The following MGA variants were observed in gnomAD, a reference collection of about 807,000 sequenced individuals.
MGA encodes the protein MAX gene-associated protein.
A neutral mutation model predicts 261.1 loss-of-function variants in MGA; 40 were observed. The ratio of observed to expected loss-of-function variants is 0.15; its 90% CI spans 0.12 to 0.20. The LOEUF (loss-of-function observed/expected upper bound fraction) is 0.20. MGA is among the 10% of genes least tolerant of loss of function. MGA has a pLI of 1.00. For missense variants in MGA, 3,397 were observed against 3,630.5 expected, an observed-to-expected ratio of 0.94 and a Z score of 1.65; for synonymous variants, 1,302 against 1,290.6, an observed-to-expected ratio of 1.01 and a Z score of -0.19.
chr15:41,650,910 T>G (rs559342336), intron 1 of MGA, among the ~76,000 whole-genome samples: 1 of 152,320 alleles, frequency 6.6e-6, no homozygotes, highest in East Asian at 1.9e-4. Context: ...TCATCTGGTC[T>G]TAGTCCATTT....
At chr15:41,713,672 A>T (rs1195224243) in intron 9 of MGA, among the ~76,000 whole-genome samples, 176 bp downstream of exon 9, 1 of 152,042 alleles carries the variant, frequency 6.6e-6, no homozygotes, top group Non-Finnish European at 1.5e-5. Context: ...ACAAACACAC[A>T]CCTTTTTTAA....
rs1055167826 is a variant in MGA at position 41,767,175 on chromosome 15, A to C, written c.9093A>C (p.Thr3031=). ...CAGTTGGACACAAAATGAACTTAAC[A>C]GGGAATGACCAGGAAGGCCGGGAAA... Residue 3031 remains threonine (T), a synonymous_variant, in exon 24 of 24, where the codon ACA becomes ACC. Coordinates refer to ENST00000219905, the MANE Select transcript of MGA (RefSeq NM_001164273.2). 6.2e-7 allele frequency: 1 copy of C among 1,614,042 alleles called. No individual in the cohort carries two copies. Among genetic ancestry groups the C allele is most frequent in the Admixed American group, 1.7e-5 (1 of 60,036 alleles).
intron 1 of MGA, among the ~76,000 whole-genome samples, chr15:41,646,172 CAG>C (rs1758787688): frequency 1.3e-5 from 2 of 152,176 alleles, no homozygotes; most frequent in South Asian, 4.2e-4. Flanking sequence ...CAGCTATAGT[CAG>C]ATGTGATTTA....
intron 19 of MGA, 177 bp from the exon 20 acceptor site, chr15:41,760,146 T>C: frequency 3.3e-6 from 2 of 604,912 alleles, no homozygotes; most frequent in Non-Finnish European, 3.0e-6. Context: ...CTGTTGGCAT[T>C]GTAAGAGTTA....
intron 11 of MGA, 138 bp from the exon 12 acceptor site, chr15:41,734,384 A>C (rs1595905711): frequency 1.4e-6 from 1 of 695,992 alleles, no homozygotes; most frequent in Admixed American, 2.8e-5. Context: ...GTAGATGTGC[A>C]TGTGGATTGA....
chr15:41,693,384 C>T (rs1178468399), intron 2 of MGA, among the ~76,000 whole-genome samples: 1 of 147,074 alleles, frequency 6.8e-6, no homozygotes, highest in Non-Finnish European at 1.5e-5. Flanking sequence ...GTTCAATTCC[C>T]ACCTATGAGT....
chr15:41,667,935 C>T (rs992896230), intron 1 of MGA, among the ~76,000 whole-genome samples: 1 of 152,062 alleles, frequency 6.6e-6, no homozygotes, highest in African/African-American at 2.4e-5. Flanking sequence ...TCCTGAGTAG[C>T]TGGGACTACA....
In MGA at chr15:41,653,674, CTCCA is replaced by C. The variant is rs1387866306; in HGVS notation, c.-67-15149_-67-15146del. On this transcript the variant is annotated intron_variant, in intron 1 of 8. Transcript: ENST00000566718. ...AGTGAGCCGTGATCATACCACTGCA[CTCCA>C]TCCAGCCTGGGAGACAGAGTGAGAC... 2.0e-5 allele frequency among the ~76,000 whole-genome samples: 3 copies of C among 148,138 alleles called. No homozygotes were observed. The Admixed American group carries it at 2.0e-4, about 10-fold the overall frequency.
intron 20 of MGA, among the ~76,000 whole-genome samples, chr15:41,760,799 C>T (rs149310000): frequency 8.5e-4 from 129 of 152,068 alleles, no homozygotes; most frequent in African/African-American, 2.9e-3. Context: ...TACAATGGCA[C>T]GATCTTGGCT....
chr15:41,729,847 ATAT>A (rs1170231524), intron 11 of MGA, among the ~76,000 whole-genome samples: 1 of 151,784 alleles, frequency 6.6e-6, no homozygotes, highest in Admixed American at 6.6e-5. Context: ...AAAAATATGT[ATAT>A]TATTCTTTCT....
chr15:41,702,613 A>G (rs1319009057), intron 5 of MGA, among the ~76,000 whole-genome samples: 1 of 152,204 alleles, frequency 6.6e-6, no homozygotes, highest in Non-Finnish European at 1.5e-5. Flanking sequence ...TTGCTTTAAA[A>G]TTGGGAAAGC....
chr15:41,745,409 C>G (rs1005995675), intron 15 of MGA, among the ~76,000 whole-genome samples: 1 of 150,398 alleles, frequency 6.6e-6, no homozygotes, highest in African/African-American at 2.4e-5. Context: ...CATTAAATTC[C>G]TGTTAGCTAC....
intron 8 of MGA, among the ~76,000 whole-genome samples, 174 bp downstream of exon 8, chr15:41,711,523 A>G (rs1338019767): frequency 6.6e-6 from 1 of 152,078 alleles, no homozygotes; most frequent in Non-Finnish European, 1.5e-5. Context: ...CCAACTAGAT[A>G]CTCAGGTGTA....
chr15:41,761,869 C>T lies in MGA; in HGVS notation c.7510+19C>T, dbSNP rs751131370. On this transcript the variant is annotated intron_variant, in intron 21 of 23. Transcript: ENST00000219905. ...CTTTCAGGTGAGATAAGTAAATAAT[C>T]TCTGGTAAAGAGCATAATTATAGCT... 6.8e-7 allele frequency: 1 copy of T among 1,472,354 alleles called. No individual in the cohort carries two copies. Among genetic ancestry groups the T allele is most frequent in the African/African-American group, 1.4e-5 (1 of 71,400 alleles). 91.2% of individuals were successfully genotyped at this position (1,472,354 alleles called of 1,614,324 possible). A position where few individuals can be genotyped will look rare whatever the true frequency, so the allele number is the denominator to read the frequency against.
intron 2 of MGA, among the ~76,000 whole-genome samples, chr15:41,689,665 A>G (rs1406132079): frequency 1.3e-5 from 2 of 151,056 alleles, no homozygotes; most frequent in African/African-American, 2.4e-5. Context: ...TACCAGGTTC[A>G]GGTGATTTTC....
At chr15:41,725,026 C>G (rs2061153406) in intron 9 of MGA, among the ~76,000 whole-genome samples, 1 of 152,188 alleles carries the variant, frequency 6.6e-6, no homozygotes, top group South Asian at 2.1e-4. Flanking sequence ...ATGAATGCCA[C>G]TCAGTCATAT....
At chr15:41,746,236 C>T (rs935853984) in intron 15 of MGA, among the ~76,000 whole-genome samples, 8 of 152,112 alleles carry the variant, frequency 5.3e-5, no homozygotes, top group African/African-American at 1.9e-4. Context: ...ATATTTGTTT[C>T]TTAATTCACG....
intron 2 of MGA, among the ~76,000 whole-genome samples, chr15:41,689,446 TAAAAA>T (rs530240561): frequency 1.3e-3 from 197 of 151,878 alleles, no homozygotes; most frequent in African/African-American, 4.6e-3. Context: ...TCCTTAAAAA[TAAAAA>T]AAGTCAGTAG....
At chr15:41,670,658 A>G (rs796169925) in intron 2 of MGA, among the ~76,000 whole-genome samples, 8 of 152,194 alleles carry the variant, frequency 5.3e-5, no homozygotes, top group African/African-American at 1.4e-4. Context: ...GGCGCCCGTC[A>G]CCACGCCCGG....
Sources: gnomAD v4.1 joint callset for allele counts (sites outside exome capture counted in the v4.1 genomes callset) on GRCh38, gnomAD v4.1.1 for gene constraint, MANE v1.5 for transcripts, NCBI Gene and HGNC (gene_info 2026-07-23, HGNC 2026-07-21) for gene names.